Variants in CNTNAP2 observed in about 807,000 individuals in gnomAD.
CNTNAP2 encodes contactin-associated protein-like 2.
Under a neutral mutation model 155.2 loss-of-function variants are expected in CNTNAP2, and 98 were observed. The ratio of observed to expected loss-of-function variants is 0.63; its 90% confidence interval spans 0.54 to 0.75. The LOEUF (loss-of-function observed/expected upper bound fraction) is 0.75, where lower values mean the gene tolerates loss of function less well. Ranked by LOEUF, CNTNAP2 falls within the 30% of genes least tolerant of loss-of-function variation. CNTNAP2 has a pLI of 0.00. For missense variants in CNTNAP2, 1,727 were observed against 1,688.1 expected (o/e 1.02, Z -0.40); for synonymous variants, 651 against 631.2 (o/e 1.03, Z -0.47).
At chr7:147,951,188 G>C (rs983172690) in intron 14 of CNTNAP2, among the ~76,000 whole-genome samples, 2 of 152,174 alleles carry the variant, frequency 1.3e-5, no homozygotes, top group Non-Finnish European at 2.9e-5. Flanking sequence ...TTGGGAGCCT[G>C]GAAGACGAAG....
intron 15 of CNTNAP2, among the ~76,000 whole-genome samples, chr7:148,063,691 C>T (rs1803202535): frequency 6.6e-6 from 1 of 151,614 alleles, no homozygotes; most frequent in African/African-American, 2.4e-5. Context: ...TCTGTTTACT[C>T]TGCTGATTAC....
At chr7:146,502,462 A>G (rs1413397576) in intron 1 of CNTNAP2, among the ~76,000 whole-genome samples, 3 of 151,804 alleles carry the variant, frequency 2.0e-5, no homozygotes, top group Non-Finnish European at 4.4e-5. Context: ...AGAAATGTGC[A>G]TACTGTTTTC....
chr7:148,079,418 G>T (rs1192290175), intron 15 of CNTNAP2, among the ~76,000 whole-genome samples: 1 of 152,146 alleles, frequency 6.6e-6, no homozygotes, highest in Non-Finnish European at 1.5e-5. Context: ...TCCATAGAAG[G>T]GAGTGTCTGG....
At chr7:146,135,353 G>T (rs1797781830) in intron 1 of CNTNAP2, among the ~76,000 whole-genome samples, 1 of 152,034 alleles carries the variant, frequency 6.6e-6, no homozygotes, top group African/African-American at 2.4e-5. Context: ...TAGTTGGATA[G>T]CCTTAGACAA....
At chr7:147,901,600 C>T (rs1799868786) in intron 13 of CNTNAP2, among the ~76,000 whole-genome samples, 3 of 152,136 alleles carry the variant, frequency 2.0e-5, no homozygotes, top group Admixed American at 2.0e-4. Flanking sequence ...TTACATTCTG[C>T]TCCATTTGCC....
At chr7:148,202,876 C>T (rs533844982) in intron 18 of CNTNAP2, among the ~76,000 whole-genome samples, 8 of 152,306 alleles carry the variant, frequency 5.3e-5, no homozygotes, top group Admixed American at 3.3e-4. Flanking sequence ...AACGCGTGGC[C>T]TAAATCCATT....
chr7:147,688,119 CCT>C (rs767114748), intron 13 of CNTNAP2, among the ~76,000 whole-genome samples: 3 of 151,718 alleles, frequency 2.0e-5, no homozygotes, highest in South Asian at 2.1e-4. Flanking sequence ...TTTTTCTATT[CCT>C]CTCTCTCTCT....
intron 8 of CNTNAP2, among the ~76,000 whole-genome samples, chr7:147,179,520 C>T (rs1802413924): frequency 6.6e-6 from 1 of 152,156 alleles, no homozygotes; most frequent in African/African-American, 2.4e-5. Flanking sequence ...TACACCCAGG[C>T]TTGGCATGTG....
In CNTNAP2 at chr7:146,839,739, C is replaced by T. The variant is rs145162968; in HGVS notation, c.237C>T (p.Ser79=). ...GGAGGWSPSD[S]DHYQWLQVDF... is the part of the protein sequence containing the mutation. ...CTGGGGGATGGTCTCCATCAGACAG[C>T]GACCATTATCAATGGCTTCAGGTTG... Residue 79 remains serine (S), a synonymous_variant, in exon 3 of 24, where the codon AGC becomes AGT. Coordinates refer to ENST00000361727, the MANE Select transcript of CNTNAP2 (RefSeq NM_014141.6). 6.3e-5 allele frequency: 102 copies of T among 1,614,160 alleles called. 1 individual carries two copies. Among genetic ancestry groups the T allele is most frequent in the Admixed American group, 1.3e-4 (8 of 60,024 alleles).
intron 8 of CNTNAP2, among the ~76,000 whole-genome samples, chr7:147,248,551 G>A (rs2116653357): frequency 6.6e-6 from 1 of 152,276 alleles, no homozygotes; most frequent in Admixed American, 6.5e-5. Context: ...CTTTTCTTGT[G>A]ACCAAACTCT....
At chr7:148,093,406 T>C (rs1194839534) in intron 15 of CNTNAP2, among the ~76,000 whole-genome samples, 1 of 152,250 alleles carries the variant, frequency 6.6e-6, no homozygotes, top group African/African-American at 2.4e-5. Context: ...TTCTCTGATA[T>C]GACGACTATT....
chr7:146,525,200 G>A (rs1584963523), intron 1 of CNTNAP2, among the ~76,000 whole-genome samples: 1 of 152,026 alleles, frequency 6.6e-6, no homozygotes, highest in Non-Finnish European at 1.5e-5. Context: ...TCGGCTATTT[G>A]TGTGTATAGA....
intron 11 of CNTNAP2, among the ~76,000 whole-genome samples, chr7:147,499,483 A>T (rs999035333): frequency 8.5e-5 from 13 of 152,062 alleles, no homozygotes; most frequent in Non-Finnish European, 2.9e-5. Flanking sequence ...GAGCCAAGAT[A>T]GTGCCACCGC....
intron 3 of CNTNAP2, among the ~76,000 whole-genome samples, chr7:146,906,629 A>G (rs192775859): frequency 1.3e-5 from 2 of 152,226 alleles, no homozygotes; most frequent in Admixed American, 6.5e-5. Flanking sequence ...TAGAAAGGAC[A>G]TCCACACCGA....
chr7:146,220,407 G>C (rs1318217944), intron 1 of CNTNAP2, among the ~76,000 whole-genome samples: 1 of 152,086 alleles, frequency 6.6e-6, no homozygotes, highest in Non-Finnish European at 1.5e-5. Flanking sequence ...CAGTATGATA[G>C]TTGCAGGAAG....
intron 15 of CNTNAP2, among the ~76,000 whole-genome samples, chr7:148,104,766 G>A (rs890209546): frequency 2.6e-5 from 4 of 152,216 alleles, no homozygotes. Flanking sequence ...ACCCGGTGAA[G>A]ATGACTAGCA....
intron 22 of CNTNAP2, among the ~76,000 whole-genome samples, chr7:148,392,377 T>C (rs1799370885): frequency 6.6e-6 from 1 of 152,164 alleles, no homozygotes; most frequent in Admixed American, 6.5e-5. Flanking sequence ...TGGCCACAGC[T>C]AGTTATTTTA....
intron 8 of CNTNAP2, among the ~76,000 whole-genome samples, chr7:147,252,333 G>T (rs566796085): frequency 6.6e-6 from 1 of 152,278 alleles, no homozygotes; most frequent in East Asian, 1.9e-4. Context: ...TCAGAAAATT[G>T]CTCAAGTGTT....
chr7:146,941,021 C>G (rs1371653866), intron 3 of CNTNAP2, among the ~76,000 whole-genome samples: 2 of 151,874 alleles, frequency 1.3e-5, no homozygotes, highest in Non-Finnish European at 2.9e-5. Flanking sequence ...ACATCTTTTT[C>G]CATTTCTGTA....
Sources: gnomAD v4.1 joint callset for allele counts (sites outside exome capture counted in the v4.1 genomes callset) on GRCh38, gnomAD v4.1.1 for gene constraint, MANE v1.5 for transcripts, NCBI Gene and HGNC (gene_info 2026-07-23, HGNC 2026-07-21) for gene names.